The following ACSM2B variants were observed in gnomAD, a reference collection of about 807,000 sequenced individuals.
ACSM2B encodes acyl-coenzyme A synthetase ACSM2B, mitochondrial.
In ACSM2B, 58 loss-of-function variants were observed where a neutral mutation model predicts 78.6. The observed-to-expected ratio is 0.74, with a 90% CI of 0.60 to 0.92. The LOEUF (loss-of-function observed/expected upper bound fraction) is 0.92. Ranked by LOEUF, ACSM2B falls within the 40% of genes least tolerant of loss-of-function variation. ACSM2B has a pLI of 0.00. For missense variants in ACSM2B, 688 were observed against 711.2 expected, an observed-to-expected ratio of 0.97 and a Z score of 0.37; for synonymous variants, 257 against 256.8, an observed-to-expected ratio of 1.00 and a Z score of -0.01.
At chr16:20,555,759 C>A (rs760142583) in intron 3 of ACSM2B, among the ~76,000 whole-genome samples, 6 of 152,120 alleles carry the variant, frequency 3.9e-5, no homozygotes, top group Non-Finnish European at 8.8e-5. Context: ...ATTCTCCTCA[C>A]CCACTCTCAC....
chr16:20,568,303 T>C (rs2015991328), intron 1 of ACSM2B, among the ~76,000 whole-genome samples: 3 of 144,582 alleles, frequency 2.1e-5, no homozygotes, highest in Non-Finnish European at 4.5e-5. Flanking sequence ...AATATATACA[T>C]ACTATTATAT....
chr16:20,564,651 T>A lies in ACSM2B; in HGVS notation c.177+18A>T. The A allele has an allele frequency of 1.2e-6, 2 of 1,613,514 alleles. No individual in the cohort carries two copies. The highest frequency in any genetic ancestry group is 2.2e-5 in the South Asian group (2 of 91,014). ...CAACAAAATTGTCTCACTCTGTGCCTCTTTTCCATCCCATTACCTTCTCCA... is the reference window on the plus strand; with the variant it reads ...CAACAAAATTGTCTCACTCTGTGCCACTTTTCCATCCCATTACCTTCTCCA... On this transcript the variant is annotated intron_variant, in intron 2 of 13. Coordinates refer to ENST00000329697, the MANE Select transcript of ACSM2B (RefSeq NM_001105069.2).
rs566894816 is a variant in ACSM2B, at chr16:20,544,560, G to A, written c.1281+597C>T. On this transcript the variant is annotated intron_variant, in intron 10 of 13. Coordinates refer to ENST00000329697, the MANE Select transcript of ACSM2B (RefSeq NM_001105069.2). ...GATTTATTATTTATTTAGTTTATTA[G>A]TCAATTATCTCAGGGATCAGAAGGC... The A allele has an allele frequency of 4.5e-4, 430 of 962,900 alleles. No individual in the cohort carries two copies. In the African/African-American group the frequency reaches 6.3e-3, roughly 14 times the overall value. The allele number at this position is 962,900 out of a possible 1,614,324, so 59.6% of individuals were successfully genotyped here. A position where few individuals can be genotyped will look rare whatever the true frequency, so the allele number is the denominator to read the frequency against.
intron 6 of ACSM2B, among the ~76,000 whole-genome samples, chr16:20,550,061 G>A (rs573307227): frequency 6.6e-6 from 1 of 152,130 alleles, no homozygotes; most frequent in Non-Finnish European, 1.5e-5. Flanking sequence ...AATGAGGCAT[G>A]TCCCACTCCG....
At chr16:20,545,064 C>T in intron 10 of ACSM2B, 93 bp downstream of exon 10, 1 of 1,447,152 alleles carries the variant, frequency 6.9e-7, no homozygotes, top group Non-Finnish European at 9.3e-7. Context: ...TATCTAATGC[C>T]TCTTGGAAGT....
At chr16:20,570,963 C>T (rs13331312) in intron 1 of ACSM2B, among the ~76,000 whole-genome samples, 372 of 145,080 alleles carry the variant, frequency 2.6e-3, no homozygotes, top group African/African-American at 0.01. Flanking sequence ...TTTCTCTCTT[C>T]TTTTTTTTGG....
intron 10 of ACSM2B, chr16:20,544,588 G>T (rs1226559746): frequency 2.7e-5 from 27 of 985,224 alleles, no homozygotes; most frequent in African/African-American, 5.2e-5. Context: ...CAGAAGGCAT[G>T]CCCTTGGGTT....
At chr16:20,552,638 C>A (rs1340051282) in intron 5 of ACSM2B, among the ~76,000 whole-genome samples, 4 of 152,008 alleles carry the variant, frequency 2.6e-5, no homozygotes, top group Non-Finnish European at 5.9e-5. Context: ...TAACACAAGA[C>A]ATCTGCATGG....
chr16:20,554,153 A>G (rs1190572360), intron 4 of ACSM2B: 13 of 692,350 alleles, frequency 1.9e-5, no homozygotes, highest in Non-Finnish European at 3.1e-5. Context: ...CTACTTATTT[A>G]ACTTCTCTGT....
intron 1 of ACSM2B, chr16:20,574,713 G>A (rs1176957425): frequency 1.4e-5 from 2 of 147,112 alleles, no homozygotes; most frequent in African/African-American, 2.7e-5. Flanking sequence ...GTGAGGCTGT[G>A]CATGCACCTT....
At chr16:20,566,644 ACTATACTATATATAT>A (rs1596734835) in intron 1 of ACSM2B, among the ~76,000 whole-genome samples, 4 of 7,590 alleles carry the variant, frequency 5.3e-4, no homozygotes, top group East Asian at 0.028. Context: ...GTATATATAT[ACTATACTATATATAT>A]GTATATATAG....
chr16:20,563,160 AAAACAACC>A (rs1220013496), intron 2 of ACSM2B, among the ~76,000 whole-genome samples: 1 of 152,170 alleles, frequency 6.6e-6, no homozygotes, highest in Non-Finnish European at 1.5e-5. Context: ...CTGAAAGAAA[AAAACAACC>A]TTTTGTATTT....
chr16:20,567,730 A>G (rs1196451962), intron 1 of ACSM2B, among the ~76,000 whole-genome samples: 2 of 139,318 alleles, frequency 1.4e-5, no homozygotes, highest in Non-Finnish European at 3.1e-5. Context: ...TCTGGTTCTC[A>G]GAGTGAATTT....
chr16:20,540,637 G>T lies in ACSM2B; in HGVS notation c.1629+17C>A. On this transcript the variant is annotated intron_variant, in intron 13 of 13. Coordinates refer to ENST00000329697, the MANE Select transcript of ACSM2B (RefSeq NM_001105069.2). ...TATTTCTCAAGTTTGAGTGACTTGG[G>T]AGCTCAAAGGCCTTACCTTTCTTGG... 1 of 1,612,068 alleles carries T rather than the reference G, an allele frequency of 6.2e-7. No individual in the cohort carries two copies. Among genetic ancestry groups the T allele is most frequent in the Non-Finnish European group, 8.5e-7 (1 of 1,178,792 alleles).
chr16:20,566,871 ATCTC>A (rs2015910431), intron 1 of ACSM2B, among the ~76,000 whole-genome samples: 1 of 124,434 alleles, frequency 8.0e-6, no homozygotes, highest in African/African-American at 3.0e-5. Context: ...ACTATAGTAT[ATCTC>A]TATATATAAT....
At chr16:20,553,167 T>C (rs2015370698) in intron 5 of ACSM2B, among the ~76,000 whole-genome samples, 1 of 152,232 alleles carries the variant, frequency 6.6e-6, no homozygotes, top group South Asian at 2.1e-4. Flanking sequence ...TGCATTAATG[T>C]ATCTTCCCAT....
At chr16:20,558,232 A>G (rs2015536749) in intron 3 of ACSM2B, among the ~76,000 whole-genome samples, 2 of 152,054 alleles carry the variant, frequency 1.3e-5, no homozygotes. Context: ...AACTGATACC[A>G]AGAAACTAAC....
rs1596711274 is a variant in ACSM2B, at chr16:20,548,128, T to G, written c.1032A>C (p.Glu344Asp). The part of the protein sequence containing the change: ...CLAGGESLLP[E>D]TLENWRAQTG... ...TCTGGGCCCTCCAGTTCTCCAGAGT[T>G]TCTGGAAGAAGGGACTCCCCTCCAG... is the stretch of plus-strand genomic sequence containing the variant. Residue 344 changes from glutamate (E) to aspartate (D), a missense_variant, in exon 8 of 14, where the codon GAA becomes GAC. Coordinates refer to ENST00000329697, the MANE Select transcript of ACSM2B (RefSeq NM_001105069.2). 1 of 1,614,052 alleles carries G rather than the reference T, an allele frequency of 6.2e-7. No individual in the cohort carries two copies. The highest frequency in any genetic ancestry group is 1.3e-5 in the African/African-American group (1 of 75,018).
intron 1 of ACSM2B, chr16:20,574,746 A>T (rs996391640): frequency 2.0e-5 from 3 of 149,768 alleles, no homozygotes; most frequent in African/African-American, 7.6e-5. Flanking sequence ...AGCCACTAAC[A>T]TGATAAGAGC....
Sources: allele counts gnomAD v4.1 joint callset (sites outside exome capture counted in the v4.1 genomes callset), GRCh38; gene constraint gnomAD v4.1.1; transcripts MANE v1.5; gene names NCBI Gene and HGNC (gene_info 2026-07-23, HGNC 2026-07-21).